The following DENND2B variants were observed in gnomAD, a reference collection of about 807,000 sequenced individuals.
DENND2B encodes the protein DENN domain-containing protein 2B.
In DENND2B, 32 loss-of-function variants were observed where a neutral mutation model predicts 116.0. The observed-to-expected ratio is 0.28, with a 90% CI of 0.21 to 0.37. The LOEUF (loss-of-function observed/expected upper bound fraction) is 0.37. Ranked by LOEUF, DENND2B falls within the 10% of genes least tolerant of loss-of-function variation. The pLI, the probability that DENND2B is intolerant of heterozygous loss-of-function variation, is 1.00. For missense variants in DENND2B, 1,276 were observed against 1,477.7 expected, an observed-to-expected ratio of 0.86 and a Z score of 2.24; for synonymous variants, 588 against 583.9, an observed-to-expected ratio of 1.01 and a Z score of -0.10.
chr11:8,826,970 G>A lies in DENND2B; in HGVS notation c.-115+12340C>T, dbSNP rs146035313. ...AAAGGAAAAGCAGAGGAATGTGGAG[G>A]GAACGGGGAGAGTAGAAAGCAATTT... On this transcript the variant is annotated intron_variant, in intron 4 of 6. Coordinates refer to the DENND2B transcript ENST00000524757. Among the ~76,000 whole-genome samples, 261 of 152,288 alleles carry A rather than the reference G, an allele frequency of 1.7e-3. 2 individuals are homozygous for A. Among genetic ancestry groups the A allele is most frequent in the South Asian group, 4.8e-3 (23 of 4,830 alleles).
At chr11:8,718,458 C>T (rs1050175256) in intron 4 of DENND2B, 68 of 1,509,990 alleles carry the variant, frequency 4.5e-5, no homozygotes, top group Admixed American at 8.2e-5. Flanking sequence ...TCTTTTAGGG[C>T]AGGGTTTTGT....
upstream of DENND2B, among the ~76,000 whole-genome samples, chr11:8,873,800 C>A (rs571772415): frequency 6.6e-6 from 1 of 152,282 alleles, no homozygotes; most frequent in South Asian, 2.1e-4. Context: ...TAAAAACACT[C>A]CTCATAAGGT....
In DENND2B at chr11:8,816,758, C is replaced by T. The variant is rs149762243; in HGVS notation, c.-114-5423G>A. On this transcript the variant is annotated intron_variant, in intron 4 of 6. Transcript: ENST00000524757. ...GCTGGAGCCCAGTCCTGGCTTCCAG[C>T]TTTCTGGAATGGTAAAATCCTAGGC... Among the ~76,000 whole-genome samples the T allele has an allele frequency of 2.8e-3, 430 of 151,682 alleles. 6 individuals carry two copies. Among genetic ancestry groups the T allele is most frequent in the African/African-American group, 0.01 (415 of 41,466 alleles).
At chr11:8,770,473 TA>T in intron 1 of DENND2B, among the ~76,000 whole-genome samples, 1 of 152,190 alleles carries the variant, frequency 6.6e-6, no homozygotes, top group Non-Finnish European at 1.5e-5. Context: ...GTGCCTGGAA[TA>T]GTGTCTGGCT....
chr11:8,848,229 C>A (rs1009573779), intron 3 of DENND2B, among the ~76,000 whole-genome samples: 1 of 152,188 alleles, frequency 6.6e-6, no homozygotes, highest in Non-Finnish European at 1.5e-5. Flanking sequence ...AAAGAAATAT[C>A]TCTTAGAGCT....
chr11:8,717,889 T>C lies in DENND2B; in HGVS notation c.1481A>G (p.Asp494Gly), dbSNP rs772005844. The C allele has an allele frequency of 4.4e-6, 7 of 1,608,130 alleles. No individual in the cohort carries two copies. The highest frequency in any genetic ancestry group is 5.9e-6 in the Non-Finnish European group (7 of 1,176,504). ...EENAYEDIVG[D>G]LPKENPYEDV... ...CTCATATGGATTCTCCTTGGGCAGA[T>C]CTCCTGCAGAGGAGGAAGAGTTAGA... Residue 494 changes from aspartate to glycine, a missense_variant, in exon 5 of 20, where the codon GAT (aspartate) becomes GGT (glycine). By Grantham distance (94) the Asp-to-Gly change is moderately conservative. Transcript: ENST00000313726.
chr11:8,773,301 C>T (rs745617240), intron 1 of DENND2B, among the ~76,000 whole-genome samples: 80 of 152,316 alleles, frequency 5.3e-4, no homozygotes, highest in Admixed American at 2.2e-3. Context: ...ACAGCAGCGA[C>T]CACCATGAGC....
rs763800054 is a variant in DENND2B, at chr11:8,711,072, G to A, written c.2282+50C>T. The stretch of plus-strand genomic sequence containing the variant: ...CCCCACTCAGGTGCCCACGCTATGG[G>A]GGTAAAGAAGGCTATGCTCCTTCCT... On this transcript the variant is annotated intron_variant, in intron 10 of 19. Coordinates refer to ENST00000313726, the MANE Select transcript of DENND2B (RefSeq NM_213618.2). The A allele has an allele frequency of 3.8e-6, 6 of 1,593,970 alleles. No individual in the cohort carries two copies. In the Admixed American group the frequency reaches 5.0e-5, roughly 13 times the overall value.
intron 1 of DENND2B, chr11:8,776,208 C>T (rs1249922565): frequency 1.6e-5 from 7 of 449,428 alleles, no homozygotes; most frequent in South Asian, 1.1e-4. Flanking sequence ...CCAGGCAGGA[C>T]ACCTTCTGCT....
chr11:8,695,457 A>G lies in DENND2B; in HGVS notation c.3379+6T>C. 1 of 1,613,230 alleles carries G rather than the reference A, an allele frequency of 6.2e-7. No homozygotes were observed. ...CATCTATCTCATCAGTAACAAGGCC[A>G]CTTACCCAAACCTCGGAGAAACTTA... On this transcript the variant is annotated splice_donor_region_variant and intron_variant, in intron 19 of 19. Transcript: ENST00000313726.
At chr11:8,825,418 T>C (rs1397958762) in intron 4 of DENND2B, among the ~76,000 whole-genome samples, 1 of 152,166 alleles carries the variant, frequency 6.6e-6, no homozygotes, top group Non-Finnish European at 1.5e-5. Context: ...AGATGCTGGA[T>C]ACTGGACCTT....
chr11:8,827,407 G>A (rs900536612), intron 4 of DENND2B, among the ~76,000 whole-genome samples: 4 of 152,194 alleles, frequency 2.6e-5, no homozygotes, highest in African/African-American at 9.6e-5. Context: ...GGAAGTCAAC[G>A]ATTTCACAGT....
intron 1 of DENND2B, among the ~76,000 whole-genome samples, chr11:8,754,195 TC>T (rs1269984362): frequency 6.6e-6 from 1 of 152,198 alleles, no homozygotes; most frequent in African/African-American, 2.4e-5. Flanking sequence ...GAAAATTGTA[TC>T]CAGAATATAT....
chr11:8,822,340 T>C (rs2061797581), intron 4 of DENND2B, among the ~76,000 whole-genome samples: 1 of 152,174 alleles, frequency 6.6e-6, no homozygotes, highest in Non-Finnish European at 1.5e-5. Flanking sequence ...TACCATTTTG[T>C]GTATGTGGTG....
At chr11:8,811,167 T>C (rs1002893740), upstream of DENND2B, 1 of 396,968 alleles carries the variant, frequency 2.5e-6, no homozygotes, top group African/African-American at 2.1e-5. Flanking sequence ...GTTTGTGCAC[T>C]TGGGATTTTT....
chr11:8,727,885 A>ATAGT (rs2047353934), intron 3 of DENND2B, among the ~76,000 whole-genome samples: 1 of 150,180 alleles, frequency 6.7e-6, no homozygotes, highest in Non-Finnish European at 1.5e-5. Context: ...ATTAAAACTA[A>ATAGT]TAGTTTCTCC....
intron 1 of DENND2B, among the ~76,000 whole-genome samples, chr11:8,886,429 C>T (rs551575689): frequency 6.6e-6 from 1 of 151,934 alleles, no homozygotes; most frequent in Non-Finnish European, 1.5e-5. Context: ...GGAGATTCCT[C>T]ACCTCAATTC....
rs1565626010 is a variant in DENND2B at position 8,699,403 on chromosome 11, C to G, written c.2721-13G>C. Reference sequence around the variant, plus strand: ...GCTGGAGAGGGTACTGATGGGCAGACAGAGAGACAGAGTACCTGAGCCCAG... The same window carrying G: ...GCTGGAGAGGGTACTGATGGGCAGAGAGAGAGACAGAGTACCTGAGCCCAG... On this transcript the variant is annotated splice_polypyrimidine_tract_variant and intron_variant, in intron 14 of 19. Transcript: ENST00000313726. 1 of 1,582,198 alleles carries G rather than the reference C, an allele frequency of 6.3e-7. No homozygotes were observed. The highest frequency in any genetic ancestry group is 8.5e-7 in the Non-Finnish European group (1 of 1,171,144).
chr11:8,832,295 T>C (rs1304572873), intron 4 of DENND2B, among the ~76,000 whole-genome samples: 1 of 151,856 alleles, frequency 6.6e-6, no homozygotes. Context: ...TAGTACAAAA[T>C]ACAAAAATTA....
Sources: gnomAD v4.1 joint callset for allele counts (sites outside exome capture counted in the v4.1 genomes callset) on GRCh38, gnomAD v4.1.1 for gene constraint, MANE v1.5 for transcripts, NCBI Gene and HGNC (gene_info 2026-07-23, HGNC 2026-07-21) for gene names.